Variants in GMDS observed in about 807,000 individuals in gnomAD.
The protein encoded by GMDS is GDP-mannose 4,6-dehydratase, also known as GDP-mannose 4,6 dehydratase.
GMDS carries 20 observed loss-of-function variants against 49.9 expected under a neutral mutation model. The ratio of observed to expected loss-of-function variants is 0.40; its 90% CI spans 0.28 to 0.58. GMDS has a LOEUF of 0.58. Among genes scored for constraint, GMDS ranks in the 20% least tolerant of loss-of-function variants. GMDS has a pLI of 0.42. For missense variants in GMDS, 362 were observed against 481.4 expected (o/e 0.75, Z 2.32); for synonymous variants, 177 against 178.6 (o/e 0.99, Z 0.07).
chr6:2,140,987 A>G (rs73716957), intron 1 of GMDS, among the ~76,000 whole-genome samples: 4,768 of 152,282 alleles, frequency 0.031, 233 homozygotes, highest in African/African-American at 0.11. Context: ...CTGACAAACT[A>G]AAGTGGCTTC....
rs552888216 is a variant in GMDS, at chr6:1,937,945, T to A, written c.644-7715A>T. ...CCCAGCACATTGGGAGGTGGGAGGA[T>A]CACTTCAGACGAGGAGTTTGAGATC... On this transcript the variant is annotated intron_variant, in intron 6 of 10. Transcript: ENST00000380815. Among the ~76,000 whole-genome samples the A allele has an allele frequency of 2.0e-5, 3 of 152,064 alleles. No homozygotes were observed. The East Asian group carries it at 5.8e-4, about 29-fold the overall frequency.
At chr6:1,738,797 C>T (rs936386533) in intron 8 of GMDS, among the ~76,000 whole-genome samples, 2 of 152,214 alleles carry the variant, frequency 1.3e-5, no homozygotes, top group African/African-American at 4.8e-5. Flanking sequence ...TCAATCGCTC[C>T]TCTCCCTCTC....
chr6:1,698,719 C>T (rs1765433480), intron 9 of GMDS, among the ~76,000 whole-genome samples: 1 of 151,194 alleles, frequency 6.6e-6, no homozygotes, highest in Non-Finnish European at 1.5e-5. Context: ...CCCACGTGTG[C>T]GCGACCCTGG....
At chr6:2,175,627 A>G (rs1159059361) in intron 1 of GMDS, among the ~76,000 whole-genome samples, 1 of 152,190 alleles carries the variant, frequency 6.6e-6, no homozygotes, top group Non-Finnish European at 1.5e-5. Flanking sequence ...TCATGCTCAC[A>G]CTGTCATTAC....
chr6:1,742,799 G>A (rs374532440), intron 7 of GMDS, among the ~76,000 whole-genome samples: 10 of 152,308 alleles, frequency 6.6e-5, no homozygotes, highest in Admixed American at 1.3e-4. Flanking sequence ...GGCTGCAGCC[G>A]TAGAGGGGTG....
At chr6:2,102,624 G>A (rs994833380) in intron 4 of GMDS, among the ~76,000 whole-genome samples, 2 of 152,060 alleles carry the variant, frequency 1.3e-5, no homozygotes, top group Non-Finnish European at 2.9e-5. Context: ...GCCAAAGAGG[G>A]GCTAAAAGTG....
intron 7 of GMDS, among the ~76,000 whole-genome samples, chr6:1,815,559 A>C (rs984982940): frequency 1.3e-5 from 2 of 152,190 alleles, no homozygotes; most frequent in African/African-American, 4.8e-5. Flanking sequence ...TTATGTGAAA[A>C]CCAAACGAAA....
At chr6:1,781,588 C>A (rs1769086825) in intron 7 of GMDS, among the ~76,000 whole-genome samples, 1 of 151,816 alleles carries the variant, frequency 6.6e-6, no homozygotes, top group Non-Finnish European at 1.5e-5. Context: ...CACCCTCACA[C>A]CCAGGTGAGG....
intron 4 of GMDS, among the ~76,000 whole-genome samples, chr6:2,038,592 A>C (rs1208334807): frequency 2.0e-5 from 3 of 152,088 alleles, no homozygotes; most frequent in East Asian, 1.9e-4. Context: ...GCAAAAAAAA[A>C]CAGCTCTTCA....
At chr6:2,013,043 GA>G (rs1248676629) in intron 4 of GMDS, among the ~76,000 whole-genome samples, 1 of 151,878 alleles carries the variant, frequency 6.6e-6, no homozygotes, top group Non-Finnish European at 1.5e-5. Flanking sequence ...GAAAGAGAAA[GA>G]AAAAAAACTG....
At chr6:1,953,833 A>G (rs1392433767) in intron 6 of GMDS, among the ~76,000 whole-genome samples, 1 of 152,172 alleles carries the variant, frequency 6.6e-6, no homozygotes. Context: ...AATAATTAAA[A>G]AAACCTCTCA....
intron 7 of GMDS, among the ~76,000 whole-genome samples, chr6:1,849,746 C>T (rs976909158): frequency 6.6e-6 from 1 of 152,132 alleles, no homozygotes; most frequent in Non-Finnish European, 1.5e-5. Flanking sequence ...AAGAATTACC[C>T]TATTATGTCT....
chr6:1,802,613 G>A (rs563145838), intron 7 of GMDS, among the ~76,000 whole-genome samples: 3 of 152,196 alleles, frequency 2.0e-5, no homozygotes, highest in African/African-American at 4.8e-5. Context: ...GACCTGCTCC[G>A]CTGTTGTTCG....
chr6:2,071,299 A>G (rs73412576), intron 4 of GMDS, among the ~76,000 whole-genome samples: 1,924 of 152,282 alleles, frequency 0.013, 33 homozygotes, highest in African/African-American at 0.042. Flanking sequence ...TTCTTTCTAC[A>G]TACCTTTTCT....
intron 4 of GMDS, among the ~76,000 whole-genome samples, chr6:2,001,947 T>C (rs1264934389): frequency 6.6e-6 from 1 of 152,174 alleles, no homozygotes; most frequent in East Asian, 1.9e-4. Context: ...CATTCACTAT[T>C]TGCCACCAAT....
chr6:2,089,438 T>C lies in GMDS; in HGVS notation c.345+26333A>G, dbSNP rs185443977. Among the ~76,000 whole-genome samples, 378 of 148,074 alleles carry C rather than the reference T, an allele frequency of 2.6e-3. 1 individual carries two copies. The highest frequency in any genetic ancestry group is 9.1e-3 in the African/African-American group (366 of 40,340). ...ATAAATGCTTCAAGAGGCCACAAAGTAGAGGATGATTTTCAATGCAAATAA... is the reference window on the plus strand; with the variant it reads ...ATAAATGCTTCAAGAGGCCACAAAGCAGAGGATGATTTTCAATGCAAATAA... On this transcript the variant is annotated intron_variant, in intron 4 of 10. Coordinates refer to ENST00000380815, the MANE Select transcript of GMDS (RefSeq NM_001500.4).
intron 1 of GMDS, among the ~76,000 whole-genome samples, chr6:2,186,479 A>G (rs1778785884): frequency 6.6e-6 from 1 of 152,242 alleles, no homozygotes; most frequent in African/African-American, 2.4e-5. Flanking sequence ...CCTGGATGAA[A>G]GAGGAATCTA....
chr6:1,846,227 G>T (rs1402687616), intron 7 of GMDS, among the ~76,000 whole-genome samples: 1 of 151,852 alleles, frequency 6.6e-6, no homozygotes, highest in East Asian at 1.9e-4. Context: ...CAAGTAGTGG[G>T]GGCTATAGGT....
At chr6:1,952,193 G>C (rs1330859629) in intron 6 of GMDS, 2 of 160,432 alleles carry the variant, frequency 1.2e-5, no homozygotes, top group African/African-American at 2.4e-5. Flanking sequence ...GGTATTTTGG[G>C]AGAATACCTA....
Sources: allele counts gnomAD v4.1 joint callset (sites outside exome capture counted in the v4.1 genomes callset), GRCh38; gene constraint gnomAD v4.1.1; transcripts MANE v1.5; gene names NCBI Gene and HGNC (gene_info 2026-07-23, HGNC 2026-07-21).